The following SLC35D4 variants were observed in gnomAD, a reference collection of about 807,000 sequenced individuals.
SLC35D4 encodes solute carrier family 35 member D4.
At chr18:23,272,200 A>T in the SLC35D4 span, among the ~76,000 whole-genome samples, 6 of 152,204 alleles carry the variant, frequency 3.9e-5, no homozygotes, top group Non-Finnish European at 5.9e-5. Flanking sequence ...ATAGTGTCAG[A>T]ACTGAACTGT....
the SLC35D4 span, chr18:23,257,340 C>CT: frequency 6.2e-7 from 1 of 1,611,198 alleles, no homozygotes; most frequent in Admixed American, 1.7e-5. Context: ...TCATGCCCCA[C>CT]TACAGACGGC....
At chr18:23,353,746 A>C in the SLC35D4 span, among the ~76,000 whole-genome samples, 3 of 152,224 alleles carry the variant, frequency 2.0e-5, no homozygotes, top group African/African-American at 7.2e-5. Context: ...GGTAAGCAGC[A>C]GGCCTACCCA....
the SLC35D4 span, among the ~76,000 whole-genome samples, chr18:23,405,681 T>C: frequency 6.6e-6 from 1 of 152,126 alleles, no homozygotes; most frequent in African/African-American, 2.4e-5. Context: ...TAGACTGTAG[T>C]AGTCATGGGA....
At chr18:23,271,586 G>A in the SLC35D4 span, among the ~76,000 whole-genome samples, 527 of 152,080 alleles carry the variant, frequency 3.5e-3, 4 homozygotes, top group African/African-American at 0.012. Context: ...CAGGCCTGTT[G>A]GTGTTCACAA....
chr18:23,274,354 G>C, the SLC35D4 span, among the ~76,000 whole-genome samples: 1 of 152,218 alleles, frequency 6.6e-6, no homozygotes, highest in Non-Finnish European at 1.5e-5. Flanking sequence ...CTCCCTGATC[G>C]AGGGATTGGG....
At chr18:23,367,064 G>A in the SLC35D4 span, among the ~76,000 whole-genome samples, 1 of 152,082 alleles carries the variant, frequency 6.6e-6, no homozygotes, top group Non-Finnish European at 1.5e-5. Context: ...GAGGAGAAGT[G>A]ATCACTCTCA....
the SLC35D4 span, among the ~76,000 whole-genome samples, chr18:23,279,974 G>A: frequency 6.6e-6 from 1 of 151,996 alleles, no homozygotes; most frequent in Non-Finnish European, 1.5e-5. Context: ...TAAAGTGCTG[G>A]GATTACAGGT....
the SLC35D4 span, chr18:23,257,414 G>T: frequency 6.5e-7 from 1 of 1,537,340 alleles, no homozygotes; most frequent in Admixed American, 2.3e-5. Flanking sequence ...CAGCTTGGTG[G>T]AGCAGCACTT....
chr18:23,264,500 T>C, the SLC35D4 span, among the ~76,000 whole-genome samples: 1 of 151,818 alleles, frequency 6.6e-6, no homozygotes, highest in African/African-American at 2.4e-5. Flanking sequence ...GTAGCTGGGA[T>C]CACAGGCGCG....
the SLC35D4 span, among the ~76,000 whole-genome samples, chr18:23,268,571 G>C: frequency 6.6e-6 from 1 of 151,986 alleles, no homozygotes; most frequent in African/African-American, 2.4e-5. Flanking sequence ...CAAGTGTTGA[G>C]GGGTTGTAGC....
At chr18:23,280,844 C>T in the SLC35D4 span, among the ~76,000 whole-genome samples, 4 of 151,940 alleles carry the variant, frequency 2.6e-5, no homozygotes, top group East Asian at 3.9e-4. Context: ...TTGACCATGC[C>T]CCCCCGTCTC....
the SLC35D4 span, among the ~76,000 whole-genome samples, chr18:23,418,378 T>G: frequency 6.7e-6 from 1 of 148,850 alleles, no homozygotes; most frequent in East Asian, 2.0e-4. Flanking sequence ...ATTATTATTA[T>G]TATTATTTTT....
At chr18:23,430,714 T>C in the SLC35D4 span, 278 of 1,577,194 alleles carry the variant, frequency 1.8e-4, no homozygotes, top group African/African-American at 3.0e-3. Context: ...ACATTTCAAA[T>C]GATAGAAAAC....
the SLC35D4 span, among the ~76,000 whole-genome samples, chr18:23,307,142 A>G: frequency 2.4e-4 from 36 of 152,322 alleles, no homozygotes; most frequent in Non-Finnish European, 4.6e-4. Flanking sequence ...CTTCAACCGA[A>G]CCGTAGTGAC....
chr18:23,286,428 T>C, the SLC35D4 span, among the ~76,000 whole-genome samples: 15 of 152,146 alleles, frequency 9.9e-5, no homozygotes, highest in Non-Finnish European at 1.8e-4. Flanking sequence ...AATCGGACTC[T>C]TCAACTCACC....
At chr18:23,419,322 C>T in the SLC35D4 span, among the ~76,000 whole-genome samples, 14 of 151,352 alleles carry the variant, frequency 9.2e-5, no homozygotes, top group Non-Finnish European at 1.8e-4. Flanking sequence ...GACGGAGTTT[C>T]GCTCTTACAA....
At chr18:23,304,584 G>A in the SLC35D4 span, among the ~76,000 whole-genome samples, 4 of 151,328 alleles carry the variant, frequency 2.6e-5, no homozygotes, top group African/African-American at 7.3e-5. Flanking sequence ...AGAGAGAGAC[G>A]CATGTACACA....
At chr18:23,310,825 G>A in the SLC35D4 span, among the ~76,000 whole-genome samples, 1 of 152,162 alleles carries the variant, frequency 6.6e-6, no homozygotes, top group Non-Finnish European at 1.5e-5. Flanking sequence ...AACATGGTGA[G>A]ATTTTGGAAC....
chr18:23,339,340 C>A, the SLC35D4 span, among the ~76,000 whole-genome samples: 1 of 152,222 alleles, frequency 6.6e-6, no homozygotes, highest in Non-Finnish European at 1.5e-5. Context: ...ATATTTCCTA[C>A]TTTAATCAGT....
Sources: allele counts gnomAD v4.1 joint callset (sites outside exome capture counted in the v4.1 genomes callset), GRCh38; gene constraint gnomAD v4.1.1; transcripts MANE v1.5; gene names NCBI Gene and HGNC (gene_info 2026-07-23, HGNC 2026-07-21).